The following SPTAN1 variants were observed in gnomAD, a reference collection of about 807,000 sequenced individuals.
The protein encoded by SPTAN1 is spectrin alpha chain, non-erythrocytic 1.
Under a neutral mutation model 331.3 loss-of-function variants are expected in SPTAN1, and 61 were observed. That is an observed-to-expected ratio of 0.18 (90% confidence interval 0.15 to 0.23). The LOEUF (loss-of-function observed/expected upper bound fraction) is 0.23. SPTAN1 is among the 10% of genes least tolerant of loss of function. The pLI is 1.00. For missense variants in SPTAN1, 2,043 were observed against 3,147.9 expected (o/e 0.65, Z 8.40); for synonymous variants, 1,153 against 1,173.9 (o/e 0.98, Z 0.36).
At chr9:128,558,986 AG>A (rs1316777945) in intron 1 of SPTAN1, among the ~76,000 whole-genome samples, 5 of 152,274 alleles carry the variant, frequency 3.3e-5, no homozygotes, top group Non-Finnish European at 7.4e-5. Context: ...TCAGGTTAAG[AG>A]GGGGGAAACT....
rs972504988 is a variant in SPTAN1, at chr9:128,581,782, G to A, written c.1462G>A (p.Ala488Thr). 14 of 1,611,778 alleles carry A rather than the reference G, an allele frequency of 8.7e-6. No homozygotes were observed. The highest frequency in any genetic ancestry group is 1.3e-5 in the African/African-American group (1 of 74,884). ...TGAACACTTTGTTTCCTTTGGCAAG[G>A]CGTTCCTGTTGAATGAAGACTTGGG... ...QVDNWMSKQE[A>T]FLLNEDLGDS... Residue 488 changes from alanine to threonine, a missense_variant and splice_region_variant, in exon 12 of 57, where the codon GCG becomes ACG. Physicochemically the swap from Ala to Thr is moderately conservative, Grantham distance 58. Around this residue, in one of 12 missense-constraint regions of SPTAN1, gnomAD observed 1,038 missense variants for 1,531.5 expected, o/e 0.68. Transcript: ENST00000372739.
At chr9:128,626,347 T>C (rs1858740888) in intron 48 of SPTAN1, 44 bp from the exon 49 acceptor site, 2 of 1,608,534 alleles carry the variant, frequency 1.2e-6, no homozygotes, top group African/African-American at 1.3e-5. Flanking sequence ...CGTCGGCACG[T>C]CCAGCCCTGG....
rs1232302530 is a variant in SPTAN1 at position 128,627,143 on chromosome 9, TC to T, written c.6577-240del. 1 of 620,188 alleles carries T rather than the reference TC, an allele frequency of 1.6e-6. No homozygotes were observed. Among genetic ancestry groups the T allele is most frequent in the African/African-American group, 1.8e-5 (1 of 55,296 alleles). The allele number at this position is 620,188 out of a possible 1,614,324, so 38.4% of individuals were successfully genotyped here. On this transcript the variant is annotated intron_variant, in intron 49 of 56. Coordinates refer to ENST00000372739, the MANE Select transcript of SPTAN1 (RefSeq NM_001130438.3). This position sits in a 1 kb window ranked among gnomAD's most constrained non-coding sequence, Gnocchi z 4.9. ...TTTCCATTTCTGACAGTCCAGCAAC[TC>T]CCTGCTTGACTGACCAGTCGCTTCC...
intron 27 of SPTAN1, 132 bp downstream of exon 27, chr9:128,600,247 T>G (rs1589277764): frequency 2.1e-6 from 2 of 953,176 alleles, no homozygotes; most frequent in East Asian, 5.0e-5. Flanking sequence ...TGGGCTGGTT[T>G]CTTTCTGAAT....
chr9:128,562,080 A>G (rs1849439878), intron 1 of SPTAN1, among the ~76,000 whole-genome samples: 1 of 152,140 alleles, frequency 6.6e-6, no homozygotes, highest in Non-Finnish European at 1.5e-5. Flanking sequence ...TTCATAGAGG[A>G]CGAGGCATTT....
At position 128,627,805 on chromosome 9, in the gene SPTAN1, G is replaced by A; in HGVS notation, c.6690-120G>A. 1.6e-6 allele frequency: 2 copies of A among 1,268,540 alleles called. No homozygotes were observed. Among genetic ancestry groups the A allele is most frequent in the Non-Finnish European group, 2.3e-6 (2 of 866,168 alleles). The allele number at this position is 1,268,540 out of a possible 1,614,324, so 78.6% of individuals were successfully genotyped here. ...CAGACGATGCAGGGTCTGTGCGTTG[G>A]GTACTGATGTTCTTGCTTTTGTTTT... On this transcript the variant is annotated intron_variant, in intron 50 of 56. Coordinates refer to ENST00000372739, the MANE Select transcript of SPTAN1 (RefSeq NM_001130438.3). The surrounding 1 kb of genome is among the most constrained non-coding windows in gnomAD (Gnocchi z 4.9).
At chr9:128,584,591 A>T (rs1156514223) in intron 17 of SPTAN1, 66 bp downstream of exon 17, 19 of 1,613,880 alleles carry the variant, frequency 1.2e-5, no homozygotes, top group Admixed American at 1.2e-4. Context: ...CATAAAGGGG[A>T]TGCATGTCAG....
intron 1 of SPTAN1, among the ~76,000 whole-genome samples, chr9:128,561,727 C>G (rs1441980714): frequency 1.4e-5 from 2 of 138,586 alleles, no homozygotes; most frequent in Non-Finnish European, 3.1e-5. Context: ...TGTTAAGAAT[C>G]ACTGTGTCTA....
chr9:128,620,066 G>C (rs535438808), intron 44 of SPTAN1, among the ~76,000 whole-genome samples: 37 of 152,190 alleles, frequency 2.4e-4, no homozygotes, highest in Non-Finnish European at 4.6e-4. Context: ...ACAGGCAAAG[G>C]CAGGAGCTGC....
At chr9:128,615,956 T>A in intron 41 of SPTAN1, 116 bp downstream of exon 41, 1 of 1,127,754 alleles carries the variant, frequency 8.9e-7, no homozygotes, top group Non-Finnish European at 1.3e-6. Flanking sequence ...GGATCCCAGC[T>A]TGGGCACACA....
At chr9:128,621,843 G>A (rs1272472827) in intron 45 of SPTAN1, 2 of 167,784 alleles carry the variant, frequency 1.2e-5, no homozygotes, top group Non-Finnish European at 2.6e-5. Context: ...CAGCAGCAGC[G>A]AAGCCACATC....
In SPTAN1 at chr9:128,624,728, C is replaced by T. The variant is rs375698853; in HGVS notation, c.5992+241C>T. On this transcript the variant is annotated intron_variant, in intron 46 of 56. Transcript: ENST00000372739. ...ACAAAAGCCTGTAAACGCTGCTGCACGCAGAGATGGCATAATGTGACGTCA... is the reference window on the plus strand; with the variant it reads ...ACAAAAGCCTGTAAACGCTGCTGCATGCAGAGATGGCATAATGTGACGTCA... 10 of 582,568 alleles carry T rather than the reference C, an allele frequency of 1.7e-5. No individual in the cohort carries two copies. In the East Asian group the frequency reaches 1.8e-4, roughly 10 times the overall value. 36.1% of individuals were successfully genotyped at this position (582,568 alleles called of 1,614,324 possible). A position where few individuals can be genotyped will look rare whatever the true frequency, so the allele number is the denominator to read the frequency against.
In SPTAN1 at chr9:128,605,016, A is replaced by T; in HGVS notation, c.3720-18A>T. 5.0e-6 allele frequency: 8 copies of T among 1,614,054 alleles called. No homozygotes were observed. Among genetic ancestry groups the T allele is most frequent in the Non-Finnish European group, 6.8e-6 (8 of 1,179,984 alleles). On this transcript the variant is annotated intron_variant, in intron 29 of 56. Transcript: ENST00000372739. ...GTTGTACTTGGCATTTCTTAACCTG[A>T]ATGTGTCTCGCCTTTAGAGATGCTG...
chr9:128,610,797 A>G (rs1856479672), intron 37 of SPTAN1, among the ~76,000 whole-genome samples: 1 of 152,196 alleles, frequency 6.6e-6, no homozygotes, highest in African/African-American at 2.4e-5. Flanking sequence ...CCTGCAGTCA[A>G]GCCTGGGTTC....
chr9:128,566,629 T>C, intron 1 of SPTAN1, 109 bp from the exon 2 acceptor site: 14 of 1,521,864 alleles, frequency 9.2e-6, no homozygotes, highest in Middle Eastern at 1.8e-4. Flanking sequence ...TCAATTCATT[T>C]GTCTCCTGGG....
At chr9:128,630,126 A>G (rs1417053855) in intron 51 of SPTAN1, 195 bp from the exon 52 acceptor site, 3 of 758,072 alleles carry the variant, frequency 4.0e-6, no homozygotes, top group African/African-American at 1.7e-5. Context: ...TCCCATCTCT[A>G]AAACGGGAGA....
intron 45 of SPTAN1, among the ~76,000 whole-genome samples, chr9:128,623,223 ATTTC>A (rs1284953204): frequency 2.7e-5 from 4 of 147,766 alleles, no homozygotes; most frequent in Non-Finnish European, 6.0e-5. Context: ...CACCTGGCTA[ATTTC>A]TTTCTTTTTT....
chr9:128,561,661 T>TAAAAAAAAAAAAA (rs1849367240), intron 1 of SPTAN1, among the ~76,000 whole-genome samples: 1 of 982 alleles, frequency 1.0e-3, no homozygotes, highest in East Asian at 0.1. Context: ...AGACTCCGTC[T>TAAAAAAAAAAAAA]CAAAAAAAAA....
chr9:128,627,870 T>C lies in SPTAN1; in HGVS notation c.6690-55T>C. The C allele has an allele frequency of 2.5e-6, 4 of 1,607,264 alleles. No homozygotes were observed. Among genetic ancestry groups the C allele is most frequent in the Non-Finnish European group, 3.4e-6 (4 of 1,173,670 alleles). On this transcript the variant is annotated intron_variant, in intron 50 of 56. Transcript: ENST00000372739. This position sits in a 1 kb window ranked among gnomAD's most constrained non-coding sequence, Gnocchi z 4.9. ...GTCTTCTCTCTGTCCCCCCGATTGC[T>C]GCTGTTGTCCGGACACCACCTTGTC...
Sources: allele counts gnomAD v4.1 joint callset (sites outside exome capture counted in the v4.1 genomes callset), GRCh38; gene constraint gnomAD v4.1.1; regional missense constraint gnomAD v4.1.1; non-coding constraint Gnocchi (gnomAD v3.1); transcripts MANE v1.5; gene names NCBI Gene and HGNC (gene_info 2026-07-23, HGNC 2026-07-21).